ASIC2: variants seen among roughly 807,000 people sequenced by gnomAD.
ASIC2 encodes the protein acid sensing ion channel subunit 2.
A neutral mutation model predicts 57.3 loss-of-function variants in ASIC2; 25 were observed. That is an observed-to-expected ratio of 0.44 (90% CI 0.32 to 0.61). The LOEUF (loss-of-function observed/expected upper bound fraction) is 0.61, where lower values mean the gene tolerates loss of function less well. ASIC2 is among the 20% of genes least tolerant of loss of function. The pLI is 0.06. For missense variants in ASIC2, 641 were observed against 738.1 expected, an observed-to-expected ratio of 0.87 and a Z score of 1.52; for synonymous variants, 319 against 307.5, an observed-to-expected ratio of 1.04 and a Z score of -0.39.
At chr17:34,143,407 G>A (rs1598046086) in intron 1 of ASIC2, among the ~76,000 whole-genome samples, 1 of 152,296 alleles carries the variant, frequency 6.6e-6, no homozygotes, top group Non-Finnish European at 1.5e-5. Context: ...CCTTTAAGGG[G>A]TGATTACATC....
intron 1 of ASIC2, among the ~76,000 whole-genome samples, chr17:33,425,281 T>C (rs1413137705): frequency 1.3e-5 from 2 of 152,138 alleles, no homozygotes; most frequent in African/African-American, 4.8e-5. Context: ...TGAGAAATAT[T>C]CAGAGAAGAA....
At chr17:33,689,914 A>G (rs1219431276) in intron 1 of ASIC2, among the ~76,000 whole-genome samples, 1 of 152,198 alleles carries the variant, frequency 6.6e-6, no homozygotes, top group Non-Finnish European at 1.5e-5. Context: ...GAAGATTTCT[A>G]CCCTGGAGCC....
intron 1 of ASIC2, among the ~76,000 whole-genome samples, chr17:33,806,067 C>T (rs1033577510): frequency 1.6e-4 from 25 of 151,610 alleles, no homozygotes; most frequent in African/African-American, 3.6e-4. Flanking sequence ...GGGGGCCACC[C>T]GCAGGGGCTC....
At chr17:33,093,505 G>A (rs2092165784) in intron 2 of ASIC2, among the ~76,000 whole-genome samples, 2 of 152,090 alleles carry the variant, frequency 1.3e-5, no homozygotes, top group African/African-American at 4.8e-5. Flanking sequence ...GTATGTACAT[G>A]GGAGTTCTTG....
intron 1 of ASIC2, among the ~76,000 whole-genome samples, chr17:33,702,911 G>A (rs574665508): frequency 1.3e-5 from 2 of 152,282 alleles, no homozygotes; most frequent in African/African-American, 4.8e-5. Flanking sequence ...CTGCTTTCAT[G>A]AAGCAGAGAG....
chr17:33,671,598 G>A (rs1350993495), intron 1 of ASIC2, among the ~76,000 whole-genome samples: 1 of 152,176 alleles, frequency 6.6e-6, no homozygotes, highest in African/African-American at 2.4e-5. Context: ...GACCTCATAT[G>A]ATTAAGACAC....
intron 1 of ASIC2, chr17:33,112,309 CTCT>C (rs2141987633): frequency 1.3e-5 from 7 of 523,566 alleles, no homozygotes; most frequent in South Asian, 1.2e-4. Context: ...AGGATCTGGT[CTCT>C]TCTTCCTCTG....
At chr17:33,182,284 C>A (rs1906017449) in intron 1 of ASIC2, among the ~76,000 whole-genome samples, 1 of 152,108 alleles carries the variant, frequency 6.6e-6, no homozygotes, top group Admixed American at 6.5e-5. Context: ...GGGACGATGT[C>A]AAAATTTTTG....
chr17:33,812,168 C>G (rs767723310), intron 1 of ASIC2, among the ~76,000 whole-genome samples: 2 of 152,076 alleles, frequency 1.3e-5, no homozygotes, highest in Non-Finnish European at 2.9e-5. Context: ...TTCTGCCTCT[C>G]CCCTACCCAC....
intron 1 of ASIC2, among the ~76,000 whole-genome samples, chr17:34,139,530 C>T (rs1468860325): frequency 6.6e-6 from 1 of 151,954 alleles, no homozygotes; most frequent in Non-Finnish European, 1.5e-5. Context: ...ACGATGAATG[C>T]GTAAATAAAA....
chr17:33,454,040 C>G (rs1430695435), intron 1 of ASIC2, among the ~76,000 whole-genome samples: 2 of 152,154 alleles, frequency 1.3e-5, no homozygotes, highest in Non-Finnish European at 2.9e-5. Flanking sequence ...TTGTTATTTA[C>G]TGTTGTTGGC....
At chr17:33,256,689 A>G (rs1909090852) in intron 1 of ASIC2, among the ~76,000 whole-genome samples, 1 of 152,146 alleles carries the variant, frequency 6.6e-6, no homozygotes, top group Non-Finnish European at 1.5e-5. Context: ...GAAATTAGCC[A>G]GGCGTGGTGG....
intron 1 of ASIC2, among the ~76,000 whole-genome samples, chr17:33,313,327 G>T (rs1028569232): frequency 1.4e-5 from 2 of 139,030 alleles, no homozygotes; most frequent in African/African-American, 5.3e-5. Flanking sequence ...AACCCTGTTT[G>T]AAAAAAAAAA....
chr17:33,694,026 C>A lies in ASIC2; in HGVS notation c.555+461952G>T, dbSNP rs550686899. ...TATTTCCTTTGACCATGCTACTTGC[C>A]CACATTACTTGCTTGCTCATCTATA... is the stretch of plus-strand genomic sequence containing the variant. On this transcript the variant is annotated intron_variant, in intron 1 of 9. Transcript: ENST00000359872. 2.6e-5 allele frequency among the ~76,000 whole-genome samples: 4 copies of A among 152,218 alleles called. No homozygotes were observed. In the South Asian group the frequency reaches 6.2e-4, roughly 24 times the overall value.
At chr17:33,439,529 T>C (rs1037555131) in intron 1 of ASIC2, among the ~76,000 whole-genome samples, 2 of 152,160 alleles carry the variant, frequency 1.3e-5, no homozygotes, top group Admixed American at 1.3e-4. Context: ...ATTACCCCCC[T>C]CTATTCCCTG....
At position 33,735,359 on chromosome 17, in the gene ASIC2, C is replaced by T. The variant is rs148802157; in HGVS notation, c.555+420619G>A. Among the ~76,000 whole-genome samples the T allele has an allele frequency of 7.2e-5, 11 of 152,250 alleles. No homozygotes were observed. The East Asian group carries it at 1.5e-3, about 21-fold the overall frequency. ...CATAAGTGGGCAGTGTGAAGGGCTC[C>T]GTGCTTTTCCTGGTACAGGCCATTA... On this transcript the variant is annotated intron_variant, in intron 1 of 9. Coordinates refer to the ASIC2 transcript ENST00000359872.
Position 33,391,224 on chromosome 17 carries a change from A to C in ASIC2, c.556-279157T>G, listed in dbSNP as rs537417543. On this transcript the variant is annotated intron_variant, in intron 1 of 9. Transcript: ENST00000359872. ...ATGGCCTTCCAGAAGGGATAGGATT[A>C]TTTGCAGAATGGGACCTAGAACTCA... 1.3e-4 allele frequency among the ~76,000 whole-genome samples: 20 copies of C among 152,308 alleles called. No homozygotes were observed. The South Asian group carries it at 4.2e-3, about 32-fold the overall frequency.
At chr17:33,478,640 G>A (rs1913305518) in intron 1 of ASIC2, among the ~76,000 whole-genome samples, 1 of 152,124 alleles carries the variant, frequency 6.6e-6, no homozygotes, top group Admixed American at 6.5e-5. Context: ...CATGGGAGCC[G>A]TTTTACTGGA....
Position 33,586,486 on chromosome 17 carries a change from T to C in ASIC2, c.556-474419A>G, listed in dbSNP as rs140776823. ...CCACTTCCCTCTGTAGAACCTTGCA[T>C]TGCTCTTGGCGTAAAATCCATGGTT... On this transcript the variant is annotated intron_variant, in intron 1 of 9. Coordinates refer to the ASIC2 transcript ENST00000359872. Among the ~76,000 whole-genome samples the C allele has an allele frequency of 3.5e-3, 539 of 152,310 alleles. 3 individuals are homozygous for C. The highest frequency in any genetic ancestry group is 6.2e-3 in the South Asian group (30 of 4,822).
Sources: gnomAD v4.1 joint callset for allele counts (sites outside exome capture counted in the v4.1 genomes callset) on GRCh38, gnomAD v4.1.1 for gene constraint, MANE v1.5 for transcripts, NCBI Gene and HGNC (gene_info 2026-07-23, HGNC 2026-07-21) for gene names.